Variants in SNTB1 observed in about 807,000 individuals in gnomAD.
SNTB1 encodes syntrophin beta 1, also known as beta-1-syntrophin.
SNTB1 carries 36 observed loss-of-function variants against 48.9 expected under a neutral mutation model. That is an observed-to-expected ratio of 0.74 (90% CI 0.56 to 0.97). The LOEUF is 0.97. SNTB1 is among the 50% of genes least tolerant of loss of function. The probability of loss-of-function intolerance (pLI) is 0.00; values close to 1 mark genes in which losing one functional copy is unlikely to be tolerated. For missense variants in SNTB1, 786 were observed against 703.4 expected, an observed-to-expected ratio of 1.12 and a Z score of -1.33; for synonymous variants, 299 against 294.6, an observed-to-expected ratio of 1.01 and a Z score of -0.15.
At chr8:120,541,524 G>A (rs530034591) in intron 6 of SNTB1, among the ~76,000 whole-genome samples, 21 of 152,150 alleles carry the variant, frequency 1.4e-4, no homozygotes, top group Non-Finnish European at 2.9e-4. Flanking sequence ...TGCAGGGTAC[G>A]TTTTTTAAGC....
chr8:120,771,245 C>A (rs912979698), intron 1 of SNTB1, among the ~76,000 whole-genome samples: 2 of 152,178 alleles, frequency 1.3e-5, no homozygotes, highest in African/African-American at 4.8e-5. Flanking sequence ...TAATTAGAAT[C>A]TCTGAATCCA....
intron 1 of SNTB1, among the ~76,000 whole-genome samples, chr8:120,740,662 C>T (rs1256281170): frequency 1.3e-5 from 2 of 152,150 alleles, no homozygotes; most frequent in Non-Finnish European, 2.9e-5. Context: ...ATAGGAAGCT[C>T]TGGCCCAAAT....
chr8:120,642,140 A>T (rs888544171), intron 2 of SNTB1, among the ~76,000 whole-genome samples: 3 of 152,168 alleles, frequency 2.0e-5, no homozygotes, highest in South Asian at 2.1e-4. Context: ...AGGTTCATTT[A>T]AAAAAAGGAC....
intron 1 of SNTB1, among the ~76,000 whole-genome samples, chr8:120,739,940 T>C (rs1819016824): frequency 6.6e-6 from 1 of 152,208 alleles, no homozygotes; most frequent in Non-Finnish European, 1.5e-5. Flanking sequence ...GAGTCAGAGC[T>C]GGCATGATTA....
chr8:120,668,872 G>A (rs1307760651), intron 2 of SNTB1, among the ~76,000 whole-genome samples: 1 of 152,242 alleles, frequency 6.6e-6, no homozygotes, highest in Non-Finnish European at 1.5e-5. Context: ...TTATGCCGAT[G>A]AGCTGTTGCT....
intron 2 of SNTB1, among the ~76,000 whole-genome samples, chr8:120,691,199 T>G (rs1818121668): frequency 6.6e-6 from 1 of 152,224 alleles, no homozygotes; most frequent in Non-Finnish European, 1.5e-5. Flanking sequence ...ATAAGTCTAC[T>G]TCTGGAAGAA....
chr8:120,798,347 T>G lies in SNTB1; in HGVS notation c.571+12926A>C, dbSNP rs906152843. On this transcript the variant is annotated intron_variant, in intron 1 of 6. Transcript: ENST00000517992. ...GCTGTAGGCTGTACACCAGTGCCTC[T>G]CAACTGGGGACTTTTTGCCCTCCAG... Among the ~76,000 whole-genome samples, 7 of 152,134 alleles carry G rather than the reference T, an allele frequency of 4.6e-5. No individual in the cohort carries two copies. The East Asian group carries it at 1.4e-3, about 29-fold the overall frequency.
intron 4 of SNTB1, among the ~76,000 whole-genome samples, chr8:120,552,630 G>A (rs543981531): frequency 5.7e-4 from 87 of 152,124 alleles, no homozygotes; most frequent in Non-Finnish European, 1.1e-3. Flanking sequence ...GGCATGAGCC[G>A]CTGCACCCGG....
chr8:120,716,976 T>A (rs1818569484), intron 1 of SNTB1, among the ~76,000 whole-genome samples: 1 of 152,146 alleles, frequency 6.6e-6, no homozygotes, highest in Non-Finnish European at 1.5e-5. Context: ...TCTGCAGAAA[T>A]CCTTAAGTTC....
chr8:120,780,133 G>C (rs1819809820), intron 1 of SNTB1, among the ~76,000 whole-genome samples: 1 of 150,110 alleles, frequency 6.7e-6, no homozygotes, highest in African/African-American at 2.4e-5. Flanking sequence ...CCAGGAAAGA[G>C]TGCTATCACA....
intron 3 of SNTB1, among the ~76,000 whole-genome samples, chr8:120,630,163 C>A (rs1368432200): frequency 6.6e-6 from 1 of 152,332 alleles, no homozygotes; most frequent in African/African-American, 2.4e-5. Context: ...CTACCTTTCC[C>A]ATCCTTCTCT....
chr8:120,602,254 T>C (rs1399628931), intron 3 of SNTB1, among the ~76,000 whole-genome samples: 2 of 152,234 alleles, frequency 1.3e-5, no homozygotes, highest in African/African-American at 4.8e-5. Context: ...AACAAACTTT[T>C]CACAAAATGC....
rs749144227 is a variant in SNTB1, at chr8:120,541,895, T to G, written c.1439A>C (p.Gln480Pro). ...QEGAFPKTII[Q>P]SPYEKLKMSS... ...CATTTTGAGCTTTTCATAAGGAGAC[T>G]GTATGATGGTCTTGGGAAAGGCACC... The change falls in exon 6 of 7, where the codon CAG (glutamine) becomes CCG (proline). Residue 480 changes from glutamine to proline, a missense_variant. Physicochemically the swap from Gln to Pro is moderately conservative, Grantham distance 76 (BLOSUM62 -1). Coordinates refer to ENST00000517992, the MANE Select transcript of SNTB1 (RefSeq NM_021021.4). The G allele has an allele frequency of 6.2e-7, 1 of 1,613,920 alleles. No individual in the cohort carries two copies. Among genetic ancestry groups the G allele is most frequent in the South Asian group, 1.1e-5 (1 of 91,074 alleles).
At chr8:120,659,385 G>T (rs34622648) in intron 2 of SNTB1, among the ~76,000 whole-genome samples, 1 of 151,956 alleles carries the variant, frequency 6.6e-6, no homozygotes, top group African/African-American at 2.4e-5. Flanking sequence ...AACGACGCCT[G>T]CATTTGTTCA....
chr8:120,789,048 A>G (rs1288267248), intron 1 of SNTB1, among the ~76,000 whole-genome samples: 1 of 152,086 alleles, frequency 6.6e-6, no homozygotes, highest in African/African-American at 2.4e-5. Context: ...GTATCTTCTC[A>G]GAGCACAGCA....
At chr8:120,542,650 T>C (rs1324561997) in intron 5 of SNTB1, among the ~76,000 whole-genome samples, 1 of 151,870 alleles carries the variant, frequency 6.6e-6, no homozygotes, top group Non-Finnish European at 1.5e-5. Context: ...CAAGACTCTG[T>C]CTCAAAAAAA....
intron 4 of SNTB1, among the ~76,000 whole-genome samples, chr8:120,552,043 C>T (rs771765219): frequency 3.3e-5 from 5 of 152,180 alleles, no homozygotes; most frequent in African/African-American, 4.8e-5. Context: ...AACTCTGTCA[C>T]GATCCAGAGC....
intron 3 of SNTB1, among the ~76,000 whole-genome samples, chr8:120,592,404 G>T (rs1242049678): frequency 2.0e-5 from 3 of 151,806 alleles, no homozygotes; most frequent in African/African-American, 7.3e-5. Flanking sequence ...GCCCAGGCTG[G>T]TCTCGAACTC....
At chr8:120,712,426 A>G (rs1301772777) in intron 1 of SNTB1, among the ~76,000 whole-genome samples, 8 of 144,966 alleles carry the variant, frequency 5.5e-5, no homozygotes, top group Non-Finnish European at 7.7e-5. Context: ...AAAAAAAAAA[A>G]AAAAAAAGAA....
Sources: gnomAD v4.1 joint callset for allele counts (sites outside exome capture counted in the v4.1 genomes callset) on GRCh38, gnomAD v4.1.1 for gene constraint, MANE v1.5 for transcripts, NCBI Gene and HGNC (gene_info 2026-07-23, HGNC 2026-07-21) for gene names.